Variants in RBM41 observed in about 807,000 individuals in gnomAD.
RBM41 encodes the protein RNA binding motif protein 41, also known as RNA-binding protein 41.
In RBM41, 14 loss-of-function variants were observed where a neutral mutation model predicts 30.8. The observed-to-expected ratio is 0.45, with a 90% CI of 0.30 to 0.71. RBM41 has a LOEUF of 0.71. RBM41 is among the 30% of genes least tolerant of loss of function. RBM41 has a pLI of 0.08. For synonymous variants in RBM41, 120 were observed against 110.1 expected (o/e 1.09, Z -0.56); for missense variants, 276 against 326.3 (o/e 0.85, Z 1.19).
At chrX:107,115,229 T>A in intron 4 of RBM41, 123 bp downstream of exon 4, 1 of 710,320 alleles carries the variant, frequency 1.4e-6, no homozygotes, top group Admixed American at 2.8e-5. Flanking sequence ...ATTATACATT[T>A]CTCAAAAGTA....
At chrX:107,088,335 G>T in intron 6 of RBM41, 101 bp downstream of exon 6, 1 of 837,958 alleles carries the variant, frequency 1.2e-6, no homozygotes, top group Non-Finnish European at 1.7e-6. Flanking sequence ...CCTATATCAT[G>T]ATTCTTTGGT....
At chrX:107,112,859 T>C (rs941759173) in intron 5 of RBM41, 2 of 327,679 alleles carry the variant, frequency 6.1e-6, no homozygotes, top group African/African-American at 5.3e-5. Flanking sequence ...CAGTCAGTGA[T>C]TGTCAGGAAT....
intron 4 of RBM41, 87 bp downstream of exon 4, chrX:107,115,265 C>A: frequency 1.0e-6 from 1 of 984,340 alleles, no homozygotes; most frequent in Non-Finnish European, 1.4e-6. Context: ...TCCCCTATTC[C>A]CTTCACTAAC....
intron 6 of RBM41, among the ~76,000 whole-genome samples, chrX:107,070,773 G>A (rs1936027892): frequency 9.0e-6 from 1 of 111,198 alleles, no homozygotes; most frequent in Admixed American, 9.6e-5. Context: ...TGTAATCCCA[G>A]TGCTTTGGGA....
intron 5 of RBM41, among the ~76,000 whole-genome samples, chrX:107,090,248 C>G (rs1285560): frequency 0.05 from 5,520 of 110,396 alleles, 368 homozygotes; most frequent in African/African-American, 0.17. Flanking sequence ...GTGGCGGGTG[C>G]CTGTAGTCCC....
At chrX:107,059,893 C>T (rs1404631250), downstream of RBM41, among the ~76,000 whole-genome samples, 2 of 111,477 alleles carry the variant, frequency 1.8e-5, no homozygotes, top group East Asian at 2.8e-4. Context: ...TAAAAAATGA[C>T]AACTCAACAT....
intron 5 of RBM41, among the ~76,000 whole-genome samples, chrX:107,091,185 C>T (rs1922510702): frequency 8.9e-6 from 1 of 111,849 alleles, no homozygotes; most frequent in Non-Finnish European, 1.9e-5. Flanking sequence ...TACTTAAACT[C>T]CTTTATTTTA....
intron 5 of RBM41, among the ~76,000 whole-genome samples, chrX:107,110,534 A>G (rs919153317): frequency 9.0e-6 from 1 of 111,635 alleles, no homozygotes; most frequent in Non-Finnish European, 1.9e-5. Context: ...TGATATACAG[A>G]TTCAATGTAA....
chrX:107,100,504 GA>G (rs1167492073), intron 5 of RBM41, among the ~76,000 whole-genome samples: 1 of 100,056 alleles, frequency 1.0e-5, no homozygotes, highest in African/African-American at 3.8e-5. Context: ...AAAAAAAAAA[GA>G]AAAAAAAAGT....
At chrX:107,052,643 T>G in the RBM41 span, among the ~76,000 whole-genome samples, 1 of 111,834 alleles carries the variant, frequency 8.9e-6, no homozygotes, top group South Asian at 3.8e-4. Context: ...ATTTTAGTCA[T>G]GGACTGCATC....
In RBM41 at chrX:107,064,469, G is replaced by C. The variant is rs191761310; in HGVS notation, c.*3058C>G. On this transcript the variant is annotated 3_prime_UTR_variant, in exon 8 of 8. Coordinates refer to ENST00000685964, the MANE Select transcript of RBM41 (RefSeq NM_001324242.2). Reference sequence around the variant, plus strand: ...TGCCCAGGCTGGTCTTGAATTCCTGGTCTCAAGGGATCCAAGGAATCCTCC... The same window carrying C: ...TGCCCAGGCTGGTCTTGAATTCCTGCTCTCAAGGGATCCAAGGAATCCTCC... 9.8e-4 allele frequency: 104 copies of C among 106,239 alleles called. No homozygotes were observed. Among genetic ancestry groups the C allele is most frequent in the African/African-American group, 3.4e-3 (98 of 28,869 alleles). The allele number at this position is 106,239 out of a possible 1,213,427, so 8.8% of individuals were successfully genotyped here.
intron 5 of RBM41, among the ~76,000 whole-genome samples, chrX:107,097,105 T>C (rs1251441281): frequency 8.9e-6 from 1 of 112,169 alleles, no homozygotes; most frequent in Non-Finnish European, 1.9e-5. Flanking sequence ...TAAGAACTCA[T>C]ACATTGCTGA....
At chrX:107,080,810 T>C (rs1278157848) in intron 6 of RBM41, among the ~76,000 whole-genome samples, 5 of 111,792 alleles carry the variant, frequency 4.5e-5, no homozygotes, top group Non-Finnish European at 9.4e-5. Context: ...TTATTTGCCA[T>C]GTATATATCT....
intron 6 of RBM41, among the ~76,000 whole-genome samples, chrX:107,084,279 G>A (rs1034723948): frequency 1.2e-4 from 13 of 111,010 alleles, no homozygotes; most frequent in Admixed American, 6.7e-4. Flanking sequence ...GGAAGGGGAG[G>A]CATTCTCTAA....
Position 107,062,625 on chromosome X carries a change from A to T in RBM41, c.*4902T>A, listed in dbSNP as rs779907608. 1.0e-4 allele frequency among the ~76,000 whole-genome samples: 11 copies of T among 109,024 alleles called. No individual in the cohort carries two copies. In the South Asian group the frequency reaches 3.1e-3, roughly 31 times the overall value. The allele number at this position is 109,024 out of a possible 115,157, so 94.7% of individuals were successfully genotyped here. Reference sequence around the variant, plus strand: ...CCATGCCATTGGCAGAATATTTTTTAAAAAATTTTTTAGTTAAAAAAAAAA... The same window carrying T: ...CCATGCCATTGGCAGAATATTTTTTTAAAAATTTTTTAGTTAAAAAAAAAA... On this transcript the variant is annotated 3_prime_UTR_variant, in exon 8 of 8. Coordinates refer to ENST00000685964, the MANE Select transcript of RBM41 (RefSeq NM_001324242.2).
intron 5 of RBM41, among the ~76,000 whole-genome samples, chrX:107,104,015 G>A (rs1460259037): frequency 9.1e-6 from 1 of 110,459 alleles, no homozygotes; most frequent in Non-Finnish European, 1.9e-5. Flanking sequence ...ACTGGCTATG[G>A]TGGTAATATG....
At chrX:107,091,590 C>T (rs965424309) in intron 5 of RBM41, among the ~76,000 whole-genome samples, 1 of 112,116 alleles carries the variant, frequency 8.9e-6, no homozygotes, top group Non-Finnish European at 1.9e-5. Flanking sequence ...AGAAGTCTCA[C>T]TTCCATCTCT....
chrX:107,096,407 T>C (rs1428325586), intron 5 of RBM41, among the ~76,000 whole-genome samples: 2 of 112,292 alleles, frequency 1.8e-5, no homozygotes, highest in South Asian at 3.6e-4. Flanking sequence ...AGTATAAGGA[T>C]AGGCATATAG....
At chrX:107,114,484 C>T (rs1924739655) in intron 4 of RBM41, 1 of 111,790 alleles carries the variant, frequency 8.9e-6, no homozygotes, top group South Asian at 3.8e-4. Flanking sequence ...ACATCTCCTC[C>T]ATAGTTAGCA....
Sources: allele counts gnomAD v4.1 joint callset (sites outside exome capture counted in the v4.1 genomes callset), GRCh38; gene constraint gnomAD v4.1.1; transcripts MANE v1.5; gene names NCBI Gene and HGNC (gene_info 2026-07-23, HGNC 2026-07-21).